NGB: variants seen among roughly 807,000 people sequenced by gnomAD.
NGB encodes the protein nitrite reductase.
Under a neutral mutation model 17.3 loss-of-function variants are expected in NGB, and 12 were observed. The observed-to-expected ratio is 0.69, with a 90% CI of 0.45 to 1.13. The LOEUF (loss-of-function observed/expected upper bound fraction) is 1.13. NGB is among the 50% of genes most tolerant of loss of function. The pLI is 0.00. For missense variants in NGB, 195 were observed against 191.7 expected (o/e 1.02, Z -0.10); for synonymous variants, 87 against 81.0 (o/e 1.07, Z -0.40).
In NGB at chr14:77,270,941, G is replaced by A. The variant is rs760974784; in HGVS notation, c.-4C>T. 4 of 1,531,942 alleles carry A rather than the reference G, an allele frequency of 2.6e-6. No individual in the cohort carries two copies. Among genetic ancestry groups the A allele is most frequent in the Admixed American group, 1.9e-5 (1 of 53,514 alleles). The allele number at this position is 1,531,942 out of a possible 1,614,324, so 94.9% of individuals were successfully genotyped here. A position where few individuals can be genotyped will look rare whatever the true frequency, so the allele number is the denominator to read the frequency against. Reference sequence around the variant, plus strand: ...GCTCGGGCTCCGGGCGCTCCATGCTGTCCCGGGGACGCGGAGCGCGGGGCT... The same window carrying A: ...GCTCGGGCTCCGGGCGCTCCATGCTATCCCGGGGACGCGGAGCGCGGGGCT... On this transcript the variant is annotated 5_prime_UTR_variant, in exon 1 of 4. Coordinates refer to ENST00000298352, the MANE Select transcript of NGB (RefSeq NM_021257.4).
intron 3 of NGB, among the ~76,000 whole-genome samples, chr14:77,267,234 A>G (rs369366568): frequency 5.9e-5 from 9 of 152,364 alleles, no homozygotes; most frequent in Admixed American, 3.9e-4. Context: ...CAGCATCTGT[A>G]TACAGGAAAC....
intron 1 of NGB, among the ~76,000 whole-genome samples, chr14:77,270,019 C>G (rs987625938): frequency 1.3e-5 from 2 of 151,686 alleles, no homozygotes; most frequent in Admixed American, 6.6e-5. Context: ...GGGGGGAGTC[C>G]GGAGGCAGAA....
chr14:77,270,309 C>T (rs1268883434), intron 1 of NGB, among the ~76,000 whole-genome samples: 1 of 152,172 alleles, frequency 6.6e-6, no homozygotes, highest in African/African-American at 2.4e-5. Context: ...ATCTGTCACC[C>T]CTTCCCCGGC....
Position 77,266,419 on chromosome 14 carries a change from A to G in NGB, c.*117T>C. On this transcript the variant is annotated 3_prime_UTR_variant, in exon 4 of 4. Transcript: ENST00000298352. ...CCCAGCCCTGCCCCATCACCTCTCC[A>G]GTGTGGCCAAGGGGACAAGGACCAA... The G allele has an allele frequency of 2.2e-6, 3 of 1,383,142 alleles. No homozygotes were observed. Among genetic ancestry groups the G allele is most frequent in the Non-Finnish European group, 3.1e-6 (3 of 981,668 alleles). The allele number at this position is 1,383,142 out of a possible 1,614,324, so 85.7% of individuals were successfully genotyped here. A position where few individuals can be genotyped will look rare whatever the true frequency, so the allele number is the denominator to read the frequency against.
chr14:77,270,412 G>C (rs950910174), intron 1 of NGB, among the ~76,000 whole-genome samples: 2 of 152,218 alleles, frequency 1.3e-5, no homozygotes, highest in Non-Finnish European at 2.9e-5. Flanking sequence ...GGGCGCAGGA[G>C]CTCGCCCCAC....
intron 1 of NGB, 94 bp downstream of exon 1, chr14:77,270,755 A>G (rs935115957): frequency 1.2e-4 from 140 of 1,160,566 alleles, no homozygotes; most frequent in Middle Eastern, 8.0e-4. Flanking sequence ...GGCAGCGGCC[A>G]GTTTTCCCTC....
At position 77,266,488 on chromosome 14, in the gene NGB, C is replaced by T. The variant is rs1008372237; in HGVS notation, c.*48G>A. The T allele has an allele frequency of 1.6e-5, 25 of 1,591,654 alleles. No homozygotes were observed. The highest frequency in any genetic ancestry group is 2.1e-5 in the Non-Finnish European group (25 of 1,168,180). On this transcript the variant is annotated 3_prime_UTR_variant, in exon 4 of 4. Transcript: ENST00000298352. The stretch of plus-strand genomic sequence containing the variant: ...GAGCCTGGGCTACAACAGATACAGG[C>T]CAACAGACAGACACAGATGGATGGG...
At chr14:77,268,106 C>G (rs1889698315) in intron 3 of NGB, among the ~76,000 whole-genome samples, 1 of 152,222 alleles carries the variant, frequency 6.6e-6, no homozygotes, top group Admixed American at 6.5e-5. Flanking sequence ...GTAACTCCAG[C>G]TACACCATGT....
rs572733820 is a variant in NGB, at chr14:77,268,701, C to T, written c.202-116G>A. ...AGAGAGGCCAGTAGGACCCTCAGTT[C>T]TCCAAGATCAGGGGTCAAAGGCAGC... On this transcript the variant is annotated intron_variant, in intron 2 of 3. Coordinates refer to ENST00000298352, the MANE Select transcript of NGB (RefSeq NM_021257.4). 5.6e-6 allele frequency: 8 copies of T among 1,422,370 alleles called. No homozygotes were observed. The Admixed American group carries it at 1.6e-4, about 28-fold the overall frequency. The allele number at this position is 1,422,370 out of a possible 1,614,324, so 88.1% of individuals were successfully genotyped here. A position where few individuals can be genotyped will look rare whatever the true frequency, so the allele number is the denominator to read the frequency against.
chr14:77,270,600 C>T (rs1314780848), intron 1 of NGB, among the ~76,000 whole-genome samples: 1 of 152,208 alleles, frequency 6.6e-6, no homozygotes, highest in Non-Finnish European at 1.5e-5. Flanking sequence ...GGATCCCGCC[C>T]GGCCCGGTGA....
intron 1 of NGB, among the ~76,000 whole-genome samples, chr14:77,270,236 G>C (rs930604580): frequency 1.3e-5 from 2 of 152,056 alleles, no homozygotes; most frequent in Non-Finnish European, 2.9e-5. Context: ...GTTGGAGACT[G>C]GCCTTCCCTT....
At position 77,270,989 on chromosome 14, in the gene NGB, C is replaced by T; in HGVS notation, c.-52G>A. 1.5e-6 allele frequency: 2 copies of T among 1,326,196 alleles called. No individual in the cohort carries two copies. The highest frequency in any genetic ancestry group is 2.0e-6 in the Non-Finnish European group (2 of 987,398). 82.2% of individuals were successfully genotyped at this position (1,326,196 alleles called of 1,614,324 possible). A position where few individuals can be genotyped will look rare whatever the true frequency, so the allele number is the denominator to read the frequency against. ...GCTGGGACCCTCAGGGCTCGGGTGC[C>T]GTCACCGCACGTGCCGCGCCATCTC... On this transcript the variant is annotated 5_prime_UTR_variant, in exon 1 of 4. Coordinates refer to ENST00000298352, the MANE Select transcript of NGB (RefSeq NM_021257.4).
chr14:77,269,673 TC>T (rs1566637395), intron 1 of NGB, among the ~76,000 whole-genome samples: 13 of 872 alleles, frequency 0.015, no homozygotes, highest in Non-Finnish European at 0.042. Flanking sequence ...GCCCTTTCTC[TC>T]TCTCTCTCTC....
chr14:77,267,662 G>C (rs1889692509), intron 3 of NGB, among the ~76,000 whole-genome samples: 2 of 152,164 alleles, frequency 1.3e-5, no homozygotes, highest in African/African-American at 4.8e-5. Context: ...CTGTAGCCCT[G>C]GTAGATCAGG....
intron 3 of NGB, among the ~76,000 whole-genome samples, chr14:77,268,194 C>T (rs1257132764): frequency 6.6e-6 from 1 of 152,180 alleles, no homozygotes; most frequent in Non-Finnish European, 1.5e-5. Flanking sequence ...TTGTTTGATA[C>T]ATAGCAATAG....
rs375404842 is a variant in NGB, at chr14:77,270,926, C to T, written c.12G>A (p.Pro4=). Residue 4 remains proline, a synonymous_variant, in exon 1 of 4, where the codon CCG becomes CCA. Coordinates refer to ENST00000298352, the MANE Select transcript of NGB (RefSeq NM_021257.4). ...AGCTCTGCCGGATCAGCTCGGGCTC[C>T]GGGCGCTCCATGCTGTCCCGGGGAC... MER[P]EPELIRQSWR... 1.2e-5 allele frequency: 19 copies of T among 1,557,600 alleles called. No homozygotes were observed. The East Asian group carries it at 1.4e-4, about 12-fold the overall frequency.
chr14:77,270,744 C>A (rs1889762906), intron 1 of NGB, 105 bp downstream of exon 1: 1 of 1,055,910 alleles, frequency 9.5e-7, no homozygotes. Context: ...CCCAGCGCCC[C>A]GGCAGCGGCC....
At chr14:77,268,239 T>C (rs1889700061) in intron 3 of NGB, among the ~76,000 whole-genome samples, 1 of 152,062 alleles carries the variant, frequency 6.6e-6, no homozygotes, top group South Asian at 2.1e-4. Context: ...CAAAAGCTTG[T>C]TAATTTTTAT....
Position 77,266,423 on chromosome 14 carries a change from TG to T in NGB, c.*112del. Reference sequence around the variant, plus strand: ...GCCCTGCCCCATCACCTCTCCAGTGTGGCCAAGGGGACAAGGACCAAGATGC... The same window carrying T: ...GCCCTGCCCCATCACCTCTCCAGTGTGCCAAGGGGACAAGGACCAAGATGC... On this transcript the variant is annotated 3_prime_UTR_variant, in exon 4 of 4. Transcript: ENST00000298352. The T allele has an allele frequency of 7.0e-7, 1 of 1,424,090 alleles. No individual in the cohort carries two copies. Among genetic ancestry groups the T allele is most frequent in the Non-Finnish European group, 9.8e-7 (1 of 1,019,902 alleles). 88.2% of individuals were successfully genotyped at this position (1,424,090 alleles called of 1,614,324 possible). A position where few individuals can be genotyped will look rare whatever the true frequency, so the allele number is the denominator to read the frequency against.
Sources: allele counts gnomAD v4.1 joint callset (sites outside exome capture counted in the v4.1 genomes callset), GRCh38; gene constraint gnomAD v4.1.1; transcripts MANE v1.5; gene names NCBI Gene and HGNC (gene_info 2026-07-23, HGNC 2026-07-21).